The following ZNF892 variants were observed in gnomAD, a reference collection of about 807,000 sequenced individuals.
ZNF892 encodes zinc finger protein 892.
chr2:95,213,879 A>G, the ZNF892 span, among the ~76,000 whole-genome samples: 1 of 152,192 alleles, frequency 6.6e-6, no homozygotes, highest in Non-Finnish European at 1.5e-5. Flanking sequence ...CAAGGAGATT[A>G]GCTAAAGATG....
At chr2:95,233,623 A>G in the ZNF892 span, among the ~76,000 whole-genome samples, 8 of 139,658 alleles carry the variant, frequency 5.7e-5, no homozygotes, top group Non-Finnish European at 9.1e-5. Context: ...CAGTGAGCTG[A>G]GATCGCGCCA....
chr2:95,249,792 T>G, the ZNF892 span, among the ~76,000 whole-genome samples: 1 of 152,142 alleles, frequency 6.6e-6, no homozygotes, highest in Admixed American at 6.6e-5. Flanking sequence ...AGCCAAAAAC[T>G]AGAGAAACTT....
chr2:95,234,970 A>G, the ZNF892 span, among the ~76,000 whole-genome samples: 2 of 152,084 alleles, frequency 1.3e-5, no homozygotes, highest in Admixed American at 1.3e-4. Context: ...GTGAGTTCTC[A>G]CCTTGTGGTT....
chr2:95,242,856 G>A, the ZNF892 span, among the ~76,000 whole-genome samples: 16 of 151,738 alleles, frequency 1.1e-4, no homozygotes, highest in East Asian at 1.9e-4. Flanking sequence ...CTCTCCCCAC[G>A]GTCTCCCTCT....
the ZNF892 span, among the ~76,000 whole-genome samples, chr2:95,258,734 C>G: frequency 4.4e-4 from 67 of 152,212 alleles, no homozygotes; most frequent in East Asian, 0.012. Context: ...CTCCCAGGGC[C>G]CCGTCCATAG....
chr2:95,237,642 A>AC, the ZNF892 span, among the ~76,000 whole-genome samples: 1 of 152,264 alleles, frequency 6.6e-6, no homozygotes, highest in African/African-American at 2.4e-5. Flanking sequence ...GAAATGATCA[A>AC]GCTTAGTGAG....
At chr2:95,228,709 T>G in the ZNF892 span, among the ~76,000 whole-genome samples, 3 of 152,244 alleles carry the variant, frequency 2.0e-5, no homozygotes, top group Non-Finnish European at 4.4e-5. Context: ...CTCCCACATT[T>G]AGTGCAGGCA....
the ZNF892 span, among the ~76,000 whole-genome samples, chr2:95,222,957 GT>G: frequency 6.6e-6 from 1 of 152,190 alleles, no homozygotes; most frequent in African/African-American, 2.4e-5. Flanking sequence ...GTTTTTACAT[GT>G]GGTTATCCAG....
chr2:95,243,952 T>C, the ZNF892 span, among the ~76,000 whole-genome samples: 2 of 152,130 alleles, frequency 1.3e-5, no homozygotes, highest in African/African-American at 4.8e-5. Context: ...CGTGTCTCTG[T>C]AGAAAGAGGT....
chr2:95,260,242 C>T, the ZNF892 span, among the ~76,000 whole-genome samples: 1 of 152,230 alleles, frequency 6.6e-6, no homozygotes, highest in Non-Finnish European at 1.5e-5. Flanking sequence ...CTCACCAGCT[C>T]ATCTAGTTCC....
chr2:95,212,242 A>G, the ZNF892 span: 3 of 398,540 alleles, frequency 7.5e-6, no homozygotes, highest in Non-Finnish European at 1.3e-5. Flanking sequence ...AGCATGAGGA[A>G]GAGCTGGAGA....
the ZNF892 span, among the ~76,000 whole-genome samples, chr2:95,245,460 G>GGGGGGC: frequency 8.5e-6 from 1 of 117,286 alleles, no homozygotes; most frequent in Non-Finnish European, 1.7e-5. Context: ...CGGGGGGGGG[G>GGGGGGC]GGGTTTCACC....
the ZNF892 span, among the ~76,000 whole-genome samples, chr2:95,258,055 G>A: frequency 6.6e-5 from 10 of 152,062 alleles, no homozygotes; most frequent in African/African-American, 1.2e-4. Flanking sequence ...GCTCACGCTC[G>A]GTGTGCTGCA....
chr2:95,249,566 A>G, the ZNF892 span, among the ~76,000 whole-genome samples: 1 of 151,998 alleles, frequency 6.6e-6, no homozygotes, highest in East Asian at 1.9e-4. Context: ...ATTTTTAATC[A>G]TTAATAACCT....
the ZNF892 span, among the ~76,000 whole-genome samples, chr2:95,246,286 A>G: frequency 6.6e-6 from 1 of 152,234 alleles, no homozygotes; most frequent in African/African-American, 2.4e-5. Flanking sequence ...CTCAATATGC[A>G]GAAAAGGCCT....
chr2:95,207,120 C>T, the ZNF892 span, among the ~76,000 whole-genome samples: 1 of 152,114 alleles, frequency 6.6e-6, no homozygotes, highest in African/African-American at 2.4e-5. Flanking sequence ...TTAAAGTAAA[C>T]TGAGATCACC....
At chr2:95,247,642 G>A in the ZNF892 span, among the ~76,000 whole-genome samples, 1 of 151,760 alleles carries the variant, frequency 6.6e-6, no homozygotes, top group Non-Finnish European at 1.5e-5. Flanking sequence ...AATCTATAAG[G>A]AACTTAAACA....
At chr2:95,235,212 T>C in the ZNF892 span, among the ~76,000 whole-genome samples, 1 of 152,196 alleles carries the variant, frequency 6.6e-6, no homozygotes, top group Non-Finnish European at 1.5e-5. Context: ...ACGCCTAGTC[T>C]CTGAGTTCAG....
At chr2:95,244,027 G>A in the ZNF892 span, among the ~76,000 whole-genome samples, 2 of 151,186 alleles carry the variant, frequency 1.3e-5, no homozygotes, top group African/African-American at 4.9e-5. Context: ...GGATCCTGTT[G>A]ATCTGTGACC....
Sources: gnomAD v4.1 joint callset for allele counts (sites outside exome capture counted in the v4.1 genomes callset) on GRCh38, gnomAD v4.1.1 for gene constraint, MANE v1.5 for transcripts, NCBI Gene and HGNC (gene_info 2026-07-23, HGNC 2026-07-21) for gene names.